ASPH: variants seen among roughly 807,000 people sequenced by gnomAD.
ASPH encodes aspartate beta-hydroxylase.
A neutral mutation model predicts 118.4 loss-of-function variants in ASPH; 100 were observed. The observed-to-expected ratio is 0.84, with a 90% CI of 0.72 to 1.00. The LOEUF (loss-of-function observed/expected upper bound fraction) is 1.00. Among genes scored for constraint, ASPH ranks in the 50% least tolerant of loss-of-function variants. The pLI is 0.00. For synonymous variants in ASPH, 315 were observed against 325.6 expected (o/e 0.97, Z 0.35); for missense variants, 920 against 919.5 (o/e 1.00, Z -0.01).
At chr8:61,507,845 C>A (rs1238503382) in intron 24 of ASPH, among the ~76,000 whole-genome samples, 1 of 152,176 alleles carries the variant, frequency 6.6e-6, no homozygotes, top group Non-Finnish European at 1.5e-5. Context: ...TTTGGAGAAA[C>A]AATCTTCAGA....
intron 12 of ASPH, among the ~76,000 whole-genome samples, chr8:61,634,871 T>C (rs192015254): frequency 6.6e-6 from 1 of 152,362 alleles, no homozygotes; most frequent in Admixed American, 6.5e-5. Flanking sequence ...GAAAGCCTTA[T>C]TATTATTGCA....
At chr8:61,508,796 C>T (rs1442856985) in intron 24 of ASPH, among the ~76,000 whole-genome samples, 1 of 152,184 alleles carries the variant, frequency 6.6e-6, no homozygotes, top group African/African-American at 2.4e-5. Flanking sequence ...CTGAGGTGGC[C>T]TGCAAGGCAT....
At chr8:61,586,656 C>G (rs188743393) in intron 14 of ASPH, among the ~76,000 whole-genome samples, 43 of 152,306 alleles carry the variant, frequency 2.8e-4, no homozygotes, top group Non-Finnish European at 5.7e-4. Flanking sequence ...GAGAAGACCA[C>G]TGAGGTTCCA....
intron 9 of ASPH, 75 bp downstream of exon 9, chr8:61,643,311 C>T: frequency 2.8e-6 from 4 of 1,423,512 alleles, no homozygotes; most frequent in Non-Finnish European, 2.9e-6. Flanking sequence ...AAAGAAAAAT[C>T]ACCATGTAAA....
intron 13 of ASPH, chr8:61,626,101 A>G (rs561193673): frequency 4.8e-6 from 6 of 1,248,728 alleles, no homozygotes; most frequent in African/African-American, 4.6e-5. Context: ...AAAAGAAAAA[A>G]AAATACACTA....
chr8:61,637,673 C>A (rs1055531929), intron 12 of ASPH, among the ~76,000 whole-genome samples: 1 of 152,154 alleles, frequency 6.6e-6, no homozygotes, highest in Non-Finnish European at 1.5e-5. Context: ...CTCAGGGTAG[C>A]CCTCCACACC....
intron 24 of ASPH, among the ~76,000 whole-genome samples, chr8:61,515,183 T>G (rs1439537242): frequency 6.6e-6 from 1 of 152,186 alleles, no homozygotes; most frequent in Non-Finnish European, 1.5e-5. Flanking sequence ...CCATCTCCAC[T>G]GCCTCATGCT....
chr8:61,648,694 G>A (rs941241791), intron 5 of ASPH, among the ~76,000 whole-genome samples: 2 of 152,134 alleles, frequency 1.3e-5, no homozygotes, highest in Non-Finnish European at 2.9e-5. Flanking sequence ...AATTTCCTAA[G>A]GGGTCATGAG....
chr8:61,649,439 G>T (rs1364368990), intron 5 of ASPH, among the ~76,000 whole-genome samples: 1 of 152,164 alleles, frequency 6.6e-6, no homozygotes, highest in African/African-American at 2.4e-5. Context: ...AAATGGAGAT[G>T]CCAAGTATGC....
chr8:61,622,810 T>C lies in ASPH; in HGVS notation c.935-3791A>G, dbSNP rs114861312. 4.8e-3 allele frequency among the ~76,000 whole-genome samples: 733 copies of C among 152,312 alleles called. 7 individuals are homozygous for C. Among genetic ancestry groups the C allele is most frequent in the African/African-American group, 0.016 (671 of 41,564 alleles). On this transcript the variant is annotated intron_variant, in intron 13 of 24. Coordinates refer to ENST00000379454, the MANE Select transcript of ASPH (RefSeq NM_004318.4). ...CACTTGCAGGCAGAAGTAATACTTA[T>C]CTGCTGAGAAAACTCAGCTCCCTGA...
chr8:61,549,318 A>G (rs1312143703), intron 20 of ASPH, among the ~76,000 whole-genome samples: 3 of 152,146 alleles, frequency 2.0e-5, no homozygotes, highest in Non-Finnish European at 4.4e-5. Flanking sequence ...GTGTTATCTC[A>G]TTTGATTTTT....
intron 12 of ASPH, among the ~76,000 whole-genome samples, chr8:61,637,384 C>T (rs1858297707): frequency 6.6e-6 from 1 of 152,140 alleles, no homozygotes; most frequent in East Asian, 1.9e-4. Flanking sequence ...TCAGTGCCTA[C>T]TACGAGGAGC....
At chr8:61,573,962 C>A (rs531841113) in intron 16 of ASPH, among the ~76,000 whole-genome samples, 1 of 152,230 alleles carries the variant, frequency 6.6e-6, no homozygotes, top group Admixed American at 6.5e-5. Context: ...TGACAAAGAG[C>A]TAATATCCAG....
intron 3 of ASPH, chr8:61,665,633 A>G (rs1232167676): frequency 2.6e-6 from 4 of 1,539,234 alleles, no homozygotes; most frequent in South Asian, 2.6e-5. Context: ...TTAAAGGAAA[A>G]AATGTTTATT....
At chr8:61,702,975 G>T (rs1237043779) in intron 1 of ASPH, among the ~76,000 whole-genome samples, 1 of 152,170 alleles carries the variant, frequency 6.6e-6, no homozygotes. Flanking sequence ...AGGAAAAAAG[G>T]AAGGAAATTA....
At chr8:61,691,104 G>C (rs1281549495) in intron 1 of ASPH, among the ~76,000 whole-genome samples, 1 of 152,034 alleles carries the variant, frequency 6.6e-6, no homozygotes, top group African/African-American at 2.4e-5. Flanking sequence ...ATTATAGAAG[G>C]GATTCTTTCC....
chr8:61,576,721 A>G, intron 16 of ASPH, 51 bp downstream of exon 16: 6 of 1,512,982 alleles, frequency 4.0e-6, no homozygotes, highest in South Asian at 1.3e-5. Context: ...TCAATCACAC[A>G]AAACACATGA....
intron 13 of ASPH, among the ~76,000 whole-genome samples, chr8:61,631,254 A>G (rs1467737013): frequency 6.6e-6 from 1 of 152,196 alleles, no homozygotes; most frequent in Admixed American, 6.5e-5. Context: ...CAGTGTTTAT[A>G]AAATCTACAG....
At chr8:61,705,752 CACT>C (rs1359710230) in intron 1 of ASPH, among the ~76,000 whole-genome samples, 1 of 152,006 alleles carries the variant, frequency 6.6e-6, no homozygotes, top group Non-Finnish European at 1.5e-5. Context: ...TTGTGCAATT[CACT>C]ACGTGAAAAT....
Sources: gnomAD v4.1 joint callset for allele counts (sites outside exome capture counted in the v4.1 genomes callset) on GRCh38, gnomAD v4.1.1 for gene constraint, MANE v1.5 for transcripts, NCBI Gene and HGNC (gene_info 2026-07-23, HGNC 2026-07-21) for gene names.